The following DPP10 variants were observed in gnomAD, a reference collection of about 807,000 sequenced individuals.
DPP10 encodes inactive dipeptidyl peptidase 10.
In DPP10, 33 loss-of-function variants were observed where a neutral mutation model predicts 120.9. The observed-to-expected ratio is 0.27, with a 90% confidence interval of 0.21 to 0.37. The LOEUF is 0.37. Among genes scored for constraint, DPP10 ranks in the 10% least tolerant of loss-of-function variants. The pLI, the probability that DPP10 is intolerant of heterozygous loss-of-function variation, is 1.00. For synonymous variants in DPP10, 337 were observed against 326.1 expected (o/e 1.03, Z -0.36); for missense variants, 816 against 942.8 (o/e 0.87, Z 1.76).
intron 12 of DPP10, 97 bp from the exon 13 acceptor site, chr2:115,768,200 T>C: frequency 4.2e-6 from 4 of 962,896 alleles, no homozygotes; most frequent in Non-Finnish European, 6.0e-6. Flanking sequence ...TAATTATAAA[T>C]CAATATTTGG....
intron 3 of DPP10, among the ~76,000 whole-genome samples, chr2:115,455,461 A>C (rs1217428572): frequency 2.6e-5 from 4 of 152,122 alleles, no homozygotes; most frequent in Non-Finnish European, 5.9e-5. Context: ...AATTGGAAAA[A>C]ACTATTTTAA....
chr2:115,285,544 A>T (rs1423232868), intron 1 of DPP10, among the ~76,000 whole-genome samples: 1 of 152,100 alleles, frequency 6.6e-6, no homozygotes, highest in Admixed American at 6.6e-5. Context: ...AAGGCAACCC[A>T]TTGTTAGATG....
intron 2 of DPP10, among the ~76,000 whole-genome samples, chr2:115,339,602 A>G (rs1164492118): frequency 6.6e-6 from 1 of 152,180 alleles, no homozygotes; most frequent in Non-Finnish European, 1.5e-5. Flanking sequence ...ATGGTCTCTC[A>G]ATACCCTGGA....
Position 115,472,370 on chromosome 2 carries a change from A to T in DPP10, c.272-27140A>T, listed in dbSNP as rs572318089. Reference sequence around the variant, plus strand: ...GAACTAAAAATGCTATGCAATTTTTAAAAAATTTCAAGTAGATATATTACA... The same window carrying T: ...GAACTAAAAATGCTATGCAATTTTTTAAAAATTTCAAGTAGATATATTACA... On this transcript the variant is annotated intron_variant, in intron 3 of 25. Transcript: ENST00000410059. Among the ~76,000 whole-genome samples the T allele has an allele frequency of 9.8e-5, 15 of 152,348 alleles. No homozygotes were observed. In the East Asian group the frequency reaches 1.7e-3, roughly 18 times the overall value.
chr2:115,147,212 C>G (rs1004720942), intron 1 of DPP10, among the ~76,000 whole-genome samples: 2 of 150,690 alleles, frequency 1.3e-5, no homozygotes, highest in African/African-American at 2.4e-5. Flanking sequence ...TATGCTATAC[C>G]ATAGTATACC....
At chr2:114,446,800 T>A (rs1206779287) in intron 1 of DPP10, among the ~76,000 whole-genome samples, 1 of 152,168 alleles carries the variant, frequency 6.6e-6, no homozygotes, top group East Asian at 1.9e-4. Context: ...CTTTTCCCCC[T>A]TGCTACTTCT....
At chr2:115,128,714 A>G (rs1465326665) in intron 1 of DPP10, among the ~76,000 whole-genome samples, 1 of 152,240 alleles carries the variant, frequency 6.6e-6, no homozygotes, top group Non-Finnish European at 1.5e-5. Flanking sequence ...AATTGTCCTT[A>G]TGATTTTGTC....
chr2:115,553,404 G>A lies in DPP10; in HGVS notation c.441+27432G>A, dbSNP rs76137307. Among the ~76,000 whole-genome samples, 560 of 152,042 alleles carry A rather than the reference G, an allele frequency of 3.7e-3. 3 individuals carry two copies. Among genetic ancestry groups the A allele is most frequent in the African/African-American group, 0.013 (548 of 41,502 alleles). ...TTATCACTATTTTCAGGATTAAGAA[G>A]TATATTAACATATATTAATAAGCTG... On this transcript the variant is annotated intron_variant, in intron 5 of 25. Coordinates refer to ENST00000410059, the MANE Select transcript of DPP10 (RefSeq NM_020868.6).
intron 1 of DPP10, among the ~76,000 whole-genome samples, chr2:114,850,178 G>A (rs1164551642): frequency 6.6e-6 from 1 of 151,524 alleles, no homozygotes; most frequent in Non-Finnish European, 1.5e-5. Context: ...ACACCACCGT[G>A]CCTGACTAGT....
intron 2 of DPP10, among the ~76,000 whole-genome samples, chr2:115,338,491 C>T (rs1204975788): frequency 6.6e-6 from 1 of 151,926 alleles, no homozygotes; most frequent in Non-Finnish European, 1.5e-5. Context: ...CTCTCTTGCC[C>T]AGGCTGGAGT....
intron 2 of DPP10, among the ~76,000 whole-genome samples, chr2:115,336,721 T>A (rs1271013318): frequency 1.3e-5 from 2 of 151,930 alleles, no homozygotes; most frequent in East Asian, 3.9e-4. Context: ...TTAGCAATAT[T>A]TTCTTTACAT....
intron 1 of DPP10, among the ~76,000 whole-genome samples, chr2:114,911,030 A>T (rs939543789): frequency 1.3e-5 from 2 of 152,158 alleles, no homozygotes; most frequent in Non-Finnish European, 2.9e-5. Context: ...GTAGATAGTA[A>T]GTACTCTTAA....
chr2:115,532,988 A>G (rs113096419), intron 5 of DPP10, among the ~76,000 whole-genome samples: 10,299 of 151,910 alleles, frequency 0.068, 451 homozygotes, highest in Middle Eastern at 0.13. Context: ...CCTTTACCGC[A>G]TTTTTTTAAG....
intron 5 of DPP10, among the ~76,000 whole-genome samples, chr2:115,646,086 A>C: frequency 6.6e-6 from 1 of 152,074 alleles, no homozygotes; most frequent in Admixed American, 6.6e-5. Context: ...ATACACATGC[A>C]CACACATGCA....
At chr2:114,857,721 C>G (rs567509891) in intron 1 of DPP10, among the ~76,000 whole-genome samples, 2 of 152,076 alleles carry the variant, frequency 1.3e-5, no homozygotes, top group East Asian at 1.9e-4. Context: ...TAATGTAGTA[C>G]GAAGACTTAT....
At chr2:114,469,496 G>A (rs1679722612) in intron 1 of DPP10, among the ~76,000 whole-genome samples, 1 of 152,116 alleles carries the variant, frequency 6.6e-6, no homozygotes. Context: ...TTTGGGAGGT[G>A]GAGGCAGGCA....
chr2:115,587,223 G>A (rs1478931066), intron 5 of DPP10, among the ~76,000 whole-genome samples: 3 of 149,542 alleles, frequency 2.0e-5, no homozygotes, highest in Non-Finnish European at 4.4e-5. Flanking sequence ...TCAGCTTCCC[G>A]AGTAGCTGGG....
chr2:114,485,489 T>C (rs1681433986), intron 1 of DPP10, among the ~76,000 whole-genome samples: 1 of 148,728 alleles, frequency 6.7e-6, no homozygotes. Flanking sequence ...GGGGAGGGGA[T>C]CTATCTGCTT....
rs115849690 is a variant in DPP10, at chr2:114,506,901, G to A, written c.60+64063G>A. ...ATATAGACCAAGTGCCTTCAAGCAC[G>A]GTGACATACTAAAAAGTATACATTT... On this transcript the variant is annotated intron_variant, in intron 1 of 25. Coordinates refer to ENST00000410059, the MANE Select transcript of DPP10 (RefSeq NM_020868.6). 3.7e-3 allele frequency among the ~76,000 whole-genome samples: 564 copies of A among 152,176 alleles called. 7 individuals are homozygous for A. The highest frequency in any genetic ancestry group is 0.024 in the South Asian group (117 of 4,822).
Sources: allele counts gnomAD v4.1 joint callset (sites outside exome capture counted in the v4.1 genomes callset), GRCh38; gene constraint gnomAD v4.1.1; transcripts MANE v1.5; gene names NCBI Gene and HGNC (gene_info 2026-07-23, HGNC 2026-07-21).